Variants in MBTPS2 observed in about 807,000 individuals in gnomAD.
The protein encoded by MBTPS2 is membrane-bound transcription factor site-2 protease.
A neutral mutation model predicts 35.4 loss-of-function variants in MBTPS2; 2 were observed. The ratio of observed to expected loss-of-function variants is 0.06; its 90% CI spans 0.02 to 0.18. The LOEUF is 0.18. Ranked by LOEUF, MBTPS2 falls within the 10% of genes least tolerant of loss-of-function variation. MBTPS2 has a pLI of 1.00. For synonymous variants in MBTPS2, 125 were observed against 140.4 expected (o/e 0.89, Z 0.77); for missense variants, 244 against 386.5 (o/e 0.63, Z 3.09).
At chrX:21,866,001 C>T (rs1304344155) in intron 5 of MBTPS2, among the ~76,000 whole-genome samples, 2 of 111,017 alleles carry the variant, frequency 1.8e-5, no homozygotes, top group African/African-American at 6.6e-5. Flanking sequence ...GACAGAGTAT[C>T]TTTCTGTCAC....
At position 21,839,702 on chromosome X, in the gene MBTPS2, G is replaced by T. The variant is rs1362884081; in HGVS notation, c.-33G>T. The T allele has an allele frequency of 6.9e-6, 8 of 1,163,622 alleles. No homozygotes were observed. Among genetic ancestry groups the T allele is most frequent in the Non-Finnish European group, 9.2e-6 (8 of 868,529 alleles). On this transcript the variant is annotated 5_prime_UTR_variant, in exon 1 of 11. Transcript: ENST00000379484. ...GCGGTGCAGGGAGGAGGACGCCGGGGCTCGCCTTCCCTCCTCTGCCGCCGC... is the reference window on the plus strand; with the variant it reads ...GCGGTGCAGGGAGGAGGACGCCGGGTCTCGCCTTCCCTCCTCTGCCGCCGC...
intron 5 of MBTPS2, chrX:21,857,485 T>A: frequency 8.3e-7 from 1 of 1,212,004 alleles, no homozygotes; most frequent in Non-Finnish European, 1.1e-6. Context: ...CACTTGCGCA[T>A]CCACACCGGC....
intron 5 of MBTPS2, among the ~76,000 whole-genome samples, chrX:21,862,591 C>T (rs756750079): frequency 1.1e-4 from 12 of 107,574 alleles, no homozygotes; most frequent in Non-Finnish European, 1.9e-4. Context: ...GGGCGGATCA[C>T]GAGGTCAGGA....
rs1340963629 is a variant in MBTPS2, at chrX:21,867,180, A to T, written c.671-1287A>T. ...AAATACTGAAATATTACTACCAGCA[A>T]CAGCTTTATTGTCACTGGAATAGTG... is the stretch of plus-strand genomic sequence containing the variant. On this transcript the variant is annotated intron_variant, in intron 5 of 10. Transcript: ENST00000379484. Among the ~76,000 whole-genome samples, 3 of 112,226 alleles carry T rather than the reference A, an allele frequency of 2.7e-5. No homozygotes were observed. The East Asian group carries it at 8.3e-4, about 31-fold the overall frequency.
chrX:21,867,713 A>G (rs957451621), intron 5 of MBTPS2, among the ~76,000 whole-genome samples: 7 of 103,074 alleles, frequency 6.8e-5, no homozygotes, highest in Non-Finnish European at 1.2e-4. Flanking sequence ...ATCTCAGCTC[A>G]CTGTAGTCTC....
intron 5 of MBTPS2, among the ~76,000 whole-genome samples, chrX:21,862,236 T>C (rs751605130): frequency 6.5e-4 from 72 of 110,703 alleles, no homozygotes; most frequent in Non-Finnish European, 1.2e-3. Flanking sequence ...GGGAAGGGGT[T>C]ATCTAGTGGC....
Position 21,883,082 on chromosome X carries a change from C to T in MBTPS2, c.*427C>T. ...GACTTTGGCCAAGTGGAAGGATGAC[C>T]ATTGTCTTGGCCTGTATCTCTTGTC... is the stretch of plus-strand genomic sequence containing the variant. On this transcript the variant is annotated 3_prime_UTR_variant, in exon 11 of 11. Transcript: ENST00000379484. 1.2e-6 allele frequency: 1 copy of T among 806,510 alleles called. No individual in the cohort carries two copies. The allele number at this position is 806,510 out of a possible 1,213,427, so 66.5% of individuals were successfully genotyped here.
chrX:21,845,339 TTCTTCC>T lies in MBTPS2; in HGVS notation c.402_407del (p.Ser135_Ser136del), dbSNP rs766857614. The T allele has an allele frequency of 9.2e-6, 11 of 1,201,484 alleles. No individual in the cohort carries two copies. In the Admixed American group the frequency reaches 1.5e-4, roughly 17 times the overall value. The stretch of plus-strand genomic sequence containing the variant: ...CTTCTTCCTCTTCCTCTTCTTCATC[TTCTTCC>T]TCTTCCTCGCTTCACAATGAACAGG... On this transcript the variant is annotated inframe_deletion, in exon 3 of 11. Coordinates refer to ENST00000379484, the MANE Select transcript of MBTPS2 (RefSeq NM_015884.4).
intron 4 of MBTPS2, 140 bp from the exon 5 acceptor site, chrX:21,853,235 AT>A (rs1017503760): frequency 1.2e-4 from 47 of 401,453 alleles, no homozygotes; most frequent in Non-Finnish European, 1.4e-4. Context: ...TATAGATATA[AT>A]TTTTTTGGCT....
chrX:21,853,293 G>A, intron 4 of MBTPS2, 83 bp from the exon 5 acceptor site: 1 of 763,326 alleles, frequency 1.3e-6, no homozygotes, highest in South Asian at 2.7e-5. Flanking sequence ...AAATTACAGT[G>A]AAAAGTTTTA....
At chrX:21,874,184 C>G (rs1019675523) in intron 7 of MBTPS2, among the ~76,000 whole-genome samples, 1 of 106,962 alleles carries the variant, frequency 9.3e-6, no homozygotes, top group South Asian at 4.2e-4. Flanking sequence ...CCAAGCCCGG[C>G]TAATTTTTTT....
In MBTPS2 at chrX:21,853,512, C is replaced by T; in HGVS notation, c.670+9C>T. 8.3e-7 allele frequency: 1 copy of T among 1,207,574 alleles called. No homozygotes were observed. ...AAGGATATTTTGTGCAGGTAACAGACTTAATTTTGTTTTAATATTCATCTG... is the reference window on the plus strand; with the variant it reads ...AAGGATATTTTGTGCAGGTAACAGATTTAATTTTGTTTTAATATTCATCTG... On this transcript the variant is annotated intron_variant, in intron 5 of 10. Transcript: ENST00000379484.
chrX:21,873,686 G>C (rs371720547), intron 7 of MBTPS2, among the ~76,000 whole-genome samples: 2 of 109,903 alleles, frequency 1.8e-5, no homozygotes, highest in African/African-American at 6.6e-5. Context: ...AGGAGGTGAG[G>C]GTTTATGCCC....
chrX:21,874,377 A>T (rs1220962080), intron 7 of MBTPS2, among the ~76,000 whole-genome samples: 2 of 110,927 alleles, frequency 1.8e-5, no homozygotes, highest in African/African-American at 6.6e-5. Flanking sequence ...CAATGATGGC[A>T]TAAAGTCAGC....
rs532241148 is a variant in MBTPS2 at position 21,870,012 on chromosome X, G to A, written c.970+334G>A. On this transcript the variant is annotated intron_variant, in intron 7 of 10. Coordinates refer to ENST00000379484, the MANE Select transcript of MBTPS2 (RefSeq NM_015884.4). ...TCCCAGCACTTTGGGAGGCTGAGGC[G>A]GGCGGATCACTTGAGGTCAGGAGTT... The A allele has an allele frequency of 9.5e-5, 18 of 189,709 alleles. No individual in the cohort carries two copies. In the South Asian group the frequency reaches 1.2e-3, roughly 13 times the overall value. 15.6% of individuals were successfully genotyped at this position (189,709 alleles called of 1,213,427 possible).
chrX:21,863,379 A>G (rs950146492), intron 5 of MBTPS2, among the ~76,000 whole-genome samples: 1 of 110,669 alleles, frequency 9.0e-6, no homozygotes, highest in Non-Finnish European at 1.9e-5. Flanking sequence ...TAAAATTATT[A>G]CACATGTATA....
chrX:21,857,260 G>A, intron 5 of MBTPS2: 1 of 1,211,675 alleles, frequency 8.3e-7, no homozygotes, highest in Non-Finnish European at 1.1e-6. Context: ...TGCTCTTATA[G>A]CGGCTGCGAA....
Position 21,856,886 on chromosome X carries a change from C to A in MBTPS2, c.670+3383C>A, listed in dbSNP as rs777747632. On this transcript the variant is annotated intron_variant, in intron 5 of 10. Coordinates refer to ENST00000379484, the MANE Select transcript of MBTPS2 (RefSeq NM_015884.4). ...CGGCGGCATCAACATCAACATCAAC[C>A]CAGAGCCGCAGCAAAAAGCCCAGCA... is the stretch of plus-strand genomic sequence containing the variant. The A allele has an allele frequency of 4.5e-5, 54 of 1,209,946 alleles. No homozygotes were observed. In the South Asian group the frequency reaches 8.3e-4, roughly 19 times the overall value.
intron 1 of MBTPS2, chrX:21,842,106 A>G (rs999620218): frequency 8.9e-6 from 1 of 112,375 alleles, no homozygotes; most frequent in Non-Finnish European, 1.9e-5. Context: ...TCTTGGACAG[A>G]TAAGTTTCTC....
Sources: allele counts gnomAD v4.1 joint callset (sites outside exome capture counted in the v4.1 genomes callset), GRCh38; gene constraint gnomAD v4.1.1; transcripts MANE v1.5; gene names NCBI Gene and HGNC (gene_info 2026-07-23, HGNC 2026-07-21).